The following CPNE8 variants were observed in gnomAD, a reference collection of about 807,000 sequenced individuals.
CPNE8 encodes copine-8.
In CPNE8, 45 loss-of-function variants were observed where a neutral mutation model predicts 81.5. That is an observed-to-expected ratio of 0.55 (90% confidence interval 0.44 to 0.71). CPNE8 has a LOEUF of 0.71. Among genes scored for constraint, CPNE8 ranks in the 30% least tolerant of loss-of-function variants. The pLI is 0.00. For missense variants in CPNE8, 594 were observed against 672.1 expected (o/e 0.88, Z 1.28); for synonymous variants, 252 against 226.3 (o/e 1.11, Z -1.02).
At chr12:38,800,126 CA>C (rs1942622554) in intron 6 of CPNE8, among the ~76,000 whole-genome samples, 1 of 128,100 alleles carries the variant, frequency 7.8e-6, no homozygotes, top group Admixed American at 8.3e-5. Context: ...ACAAAGCAGC[CA>C]GGAAGCTCGA....
At chr12:38,810,676 C>T (rs962973347) in intron 6 of CPNE8, among the ~76,000 whole-genome samples, 110 of 152,234 alleles carry the variant, frequency 7.2e-4, no homozygotes, top group African/African-American at 2.4e-3. Flanking sequence ...ATCCATTCAT[C>T]ATTGGTCAGT....
At chr12:38,809,324 C>T (rs1477109480) in intron 6 of CPNE8, among the ~76,000 whole-genome samples, 7 of 152,148 alleles carry the variant, frequency 4.6e-5, no homozygotes, top group African/African-American at 1.4e-4. Context: ...GCCTCCATGT[C>T]TTCAAGTCAG....
At chr12:38,784,758 C>T (rs1343274403) in intron 6 of CPNE8, among the ~76,000 whole-genome samples, 1 of 151,914 alleles carries the variant, frequency 6.6e-6, no homozygotes, top group African/African-American at 2.4e-5. Flanking sequence ...AAACTTTTTA[C>T]CCTGGAATAA....
At chr12:38,877,533 A>G (rs532905788) in intron 1 of CPNE8, among the ~76,000 whole-genome samples, 12 of 152,224 alleles carry the variant, frequency 7.9e-5, no homozygotes, top group African/African-American at 2.6e-4. Flanking sequence ...TATTCTGCAA[A>G]TCTAGATGTA....
At chr12:38,862,529 G>A (rs1356734815) in intron 3 of CPNE8, among the ~76,000 whole-genome samples, 1 of 152,126 alleles carries the variant, frequency 6.6e-6, no homozygotes, top group Non-Finnish European at 1.5e-5. Context: ...GAATCTGGAA[G>A]GTAACAGAAG....
In CPNE8 at chr12:38,730,370, G is replaced by GA; in HGVS notation, c.723-13_723-12insT. ...CAATGAAATCATGACTAAAATTAAA[G>GA]GAAAAAAGTACATAATATTGGCTTT... is the stretch of plus-strand genomic sequence containing the variant. On this transcript the variant is annotated splice_polypyrimidine_tract_variant and intron_variant, in intron 10 of 19. Coordinates refer to ENST00000331366, the MANE Select transcript of CPNE8 (RefSeq NM_153634.3). 5 of 1,366,264 alleles carry GA rather than the reference G, an allele frequency of 3.7e-6. No homozygotes were observed. Among genetic ancestry groups the GA allele is most frequent in the African/African-American group, 2.5e-5 (1 of 40,074 alleles). The allele number at this position is 1,366,264 out of a possible 1,614,324, so 84.6% of individuals were successfully genotyped here.
intron 6 of CPNE8, among the ~76,000 whole-genome samples, chr12:38,787,771 G>C (rs974164021): frequency 6.6e-6 from 1 of 151,548 alleles, no homozygotes; most frequent in Non-Finnish European, 1.5e-5. Context: ...CATTACAACT[G>C]ATACTGCAGA....
At chr12:38,748,783 CTAAAT>C (rs1941293572) in intron 10 of CPNE8, among the ~76,000 whole-genome samples, 1 of 151,996 alleles carries the variant, frequency 6.6e-6, no homozygotes, top group Non-Finnish European at 1.5e-5. Context: ...ATACATGTAA[CTAAAT>C]TAGTTTCAAA....
In CPNE8 at chr12:38,653,953, G is replaced by T. The variant is rs1355427940; in HGVS notation, c.1624C>A (p.Arg542=). ...GGCGCAGGTGATGGCTTGATTCCTC[G>T]GGCTCTCATATAGGAGAGAAACTGC... ...PEQFLSYMRA[R]GIKPSPAPPP... The change falls in exon 20 of 20, where the codon CGA becomes AGA. Residue 542 remains arginine (R), a synonymous_variant. Coordinates refer to ENST00000331366, the MANE Select transcript of CPNE8 (RefSeq NM_153634.3). 6.2e-7 allele frequency: 1 copy of T among 1,613,552 alleles called. No individual in the cohort carries two copies. The highest frequency in any genetic ancestry group is 8.5e-7 in the Non-Finnish European group (1 of 1,179,914).
intron 7 of CPNE8, among the ~76,000 whole-genome samples, chr12:38,768,851 G>C (rs1941744080): frequency 6.6e-6 from 1 of 152,142 alleles, no homozygotes; most frequent in African/African-American, 2.4e-5. Flanking sequence ...ATGTTGGAAA[G>C]AGGTGAAGTG....
chr12:38,814,173 C>T (rs1016635276), intron 6 of CPNE8, among the ~76,000 whole-genome samples: 17 of 151,962 alleles, frequency 1.1e-4, no homozygotes, highest in Non-Finnish European at 2.4e-4. Context: ...CCTCTGTGTA[C>T]CGAAATGCAA....
At chr12:38,670,600 G>A (rs1303883706) in intron 19 of CPNE8, 129 bp downstream of exon 19, 2 of 593,256 alleles carry the variant, frequency 3.4e-6, no homozygotes, top group African/African-American at 1.9e-5. Context: ...AATATATTTA[G>A]TTTTTGTTGA....
intron 11 of CPNE8, chr12:38,726,562 C>A (rs192262495): frequency 3.3e-5 from 5 of 152,168 alleles, no homozygotes; most frequent in Admixed American, 3.3e-4. Context: ...AAGAATTCCG[C>A]AATTCTTCCA....
intron 13 of CPNE8, among the ~76,000 whole-genome samples, chr12:38,713,672 G>A (rs1940317286): frequency 6.6e-6 from 1 of 152,102 alleles, no homozygotes; most frequent in South Asian, 2.1e-4. Flanking sequence ...TAATTAGTCT[G>A]TATTTATTCA....
intron 3 of CPNE8, among the ~76,000 whole-genome samples, chr12:38,872,171 G>T (rs370965553): frequency 6.6e-6 from 1 of 151,930 alleles, no homozygotes; most frequent in South Asian, 2.1e-4. Flanking sequence ...AGTTAGATAC[G>T]ATAAACATGT....
chr12:38,658,724 A>C (rs895095657), intron 19 of CPNE8, among the ~76,000 whole-genome samples: 25 of 152,302 alleles, frequency 1.6e-4, no homozygotes, highest in Non-Finnish European at 4.4e-5. Flanking sequence ...TACAAGCCAG[A>C]AGAGAGTGGG....
At chr12:38,826,007 T>C (rs982058981) in intron 6 of CPNE8, among the ~76,000 whole-genome samples, 1 of 152,216 alleles carries the variant, frequency 6.6e-6, no homozygotes, top group African/African-American at 2.4e-5. Flanking sequence ...GTTTAATGAA[T>C]GTAATTGCAA....
At chr12:38,887,364 G>A (rs927398926) in intron 1 of CPNE8, among the ~76,000 whole-genome samples, 1 of 152,124 alleles carries the variant, frequency 6.6e-6, no homozygotes, top group African/African-American at 2.4e-5. Flanking sequence ...AAAAAAACTC[G>A]ACTTCCATCT....
intron 10 of CPNE8, among the ~76,000 whole-genome samples, chr12:38,743,565 A>C (rs1941157592): frequency 6.6e-6 from 1 of 152,106 alleles, no homozygotes; most frequent in Non-Finnish European, 1.5e-5. Context: ...TATATATTTT[A>C]AATAAAACTA....
Sources: allele counts gnomAD v4.1 joint callset (sites outside exome capture counted in the v4.1 genomes callset), GRCh38; gene constraint gnomAD v4.1.1; transcripts MANE v1.5; gene names NCBI Gene and HGNC (gene_info 2026-07-23, HGNC 2026-07-21).